WDR72: variants seen among roughly 807,000 people sequenced by gnomAD.
WDR72 encodes the protein WD repeat domain 72.
Under a neutral mutation model 124.2 loss-of-function variants are expected in WDR72, and 120 were observed. The ratio of observed to expected loss-of-function variants is 0.97; its 90% CI spans 0.83 to 1.12. WDR72 has a LOEUF of 1.12. Among genes scored for constraint, WDR72 ranks in the 50% most tolerant of loss-of-function variants. WDR72 has a pLI of 0.00. For synonymous variants in WDR72, 452 were observed against 441.7 expected, an observed-to-expected ratio of 1.02 and a Z score of -0.29; for missense variants, 1,387 against 1,278.8, an observed-to-expected ratio of 1.08 and a Z score of -1.29.
intron 14 of WDR72, among the ~76,000 whole-genome samples, chr15:53,642,259 C>A (rs967673657): frequency 2.0e-5 from 3 of 151,816 alleles, no homozygotes. Context: ...AAATTGCTTC[C>A]CCATCAAAGA....
chr15:53,701,997 C>A lies in WDR72; in HGVS notation c.1569+137G>T, dbSNP rs998668719. Reference sequence around the variant, plus strand: ...TTAGAAATAAATATATATGAATCATCCAGTTGTATTATAAGTACATAGAAC... The same window carrying A: ...TTAGAAATAAATATATATGAATCATACAGTTGTATTATAAGTACATAGAAC... On this transcript the variant is annotated intron_variant, in intron 12 of 19. Transcript: ENST00000360509. The A allele has an allele frequency of 1.4e-5, 8 of 555,634 alleles. No individual in the cohort carries two copies. The African/African-American group carries it at 1.5e-4, about 11-fold the overall frequency. The allele number at this position is 555,634 out of a possible 1,614,324, so 34.4% of individuals were successfully genotyped here. A position where few individuals can be genotyped will look rare whatever the true frequency, so the allele number is the denominator to read the frequency against.
At chr15:53,663,115 T>A (rs1039042516) in intron 14 of WDR72, among the ~76,000 whole-genome samples, 2 of 150,984 alleles carry the variant, frequency 1.3e-5, no homozygotes, top group African/African-American at 2.4e-5. Context: ...AATAAATAAA[T>A]AAAACAATCT....
intron 18 of WDR72, among the ~76,000 whole-genome samples, chr15:53,569,715 G>C (rs1380398691): frequency 6.6e-6 from 1 of 152,058 alleles, no homozygotes; most frequent in Non-Finnish European, 1.5e-5. Context: ...TCTTCTCAGA[G>C]TACTGAGGTT....
At position 53,517,753 on chromosome 15, in the gene WDR72, A is replaced by G. The variant is rs752268853; in HGVS notation, c.3255T>C (p.Gly1085=). 1.1e-5 allele frequency: 17 copies of G among 1,612,752 alleles called. 1 individual carries two copies. The highest frequency in any genetic ancestry group is 1.4e-5 in the Non-Finnish European group (17 of 1,179,170). The change falls in exon 20 of 20, where the codon GGT becomes GGC. Residue 1085 remains glycine (G), a splice_region_variant and synonymous_variant. Transcript: ENST00000360509. The stretch of plus-strand genomic sequence containing the variant: ...CTATCCATGAATGATGCCTTGGCTC[A>G]CCTAGGAAAAAAGCAGATATCTTGG... ...RCALEESESP[G]EPRHHSWIAK... is the part of the protein sequence containing the mutation.
At chr15:53,578,718 T>A (rs2011752387) in intron 18 of WDR72, among the ~76,000 whole-genome samples, 1 of 151,606 alleles carries the variant, frequency 6.6e-6, no homozygotes, top group Non-Finnish European at 1.5e-5. Context: ...AAGCCATATG[T>A]GCTTAAATAA....
intron 13 of WDR72, among the ~76,000 whole-genome samples, chr15:53,675,035 C>A (rs1199059355): frequency 6.6e-6 from 1 of 152,142 alleles, no homozygotes; most frequent in East Asian, 1.9e-4. Context: ...ACATTTTAAA[C>A]TAGGGTTTTC....
chr15:53,628,156 A>G (rs1362043082), intron 14 of WDR72, among the ~76,000 whole-genome samples: 1 of 152,204 alleles, frequency 6.6e-6, no homozygotes, highest in African/African-American at 2.4e-5. Flanking sequence ...AGTTCCTAAG[A>G]AAACAAAGTT....
intron 14 of WDR72, among the ~76,000 whole-genome samples, chr15:53,626,549 A>G (rs1298240248): frequency 6.6e-6 from 1 of 152,196 alleles, no homozygotes; most frequent in Non-Finnish European, 1.5e-5. Context: ...GCAAGATTTA[A>G]CAGAGTGAAA....
At chr15:53,743,567 G>A (rs1182229361) in intron 1 of WDR72, among the ~76,000 whole-genome samples, 2 of 152,136 alleles carry the variant, frequency 1.3e-5, no homozygotes, top group Admixed American at 6.5e-5. Context: ...AATATAGGAA[G>A]TTCATGAATA....
chr15:53,521,206 G>GTGTT (rs927482208), intron 19 of WDR72, among the ~76,000 whole-genome samples: 25 of 152,210 alleles, frequency 1.6e-4, no homozygotes, highest in Non-Finnish European at 3.2e-4. Flanking sequence ...TTTTAGCTAA[G>GTGTT]TGTTTGCTAT....
chr15:53,695,532 A>T (rs1469502656), intron 13 of WDR72, among the ~76,000 whole-genome samples: 1 of 152,194 alleles, frequency 6.6e-6, no homozygotes, highest in Non-Finnish European at 1.5e-5. Flanking sequence ...TCCTTTCCTA[A>T]TCAGGCCTAA....
chr15:53,542,976 G>A (rs532597913), intron 18 of WDR72, among the ~76,000 whole-genome samples: 2 of 152,144 alleles, frequency 1.3e-5, no homozygotes, highest in Admixed American at 1.3e-4. Context: ...CAACACAGGA[G>A]CACCCAGATT....
intron 3 of WDR72, among the ~76,000 whole-genome samples, chr15:53,717,249 T>C (rs2017740147): frequency 6.6e-6 from 1 of 152,190 alleles, no homozygotes; most frequent in Non-Finnish European, 1.5e-5. Flanking sequence ...TTCGTTTATG[T>C]ATTACAAAGA....
chr15:53,523,158 G>T, intron 19 of WDR72, 60 bp downstream of exon 19: 1 of 1,517,612 alleles, frequency 6.6e-7, no homozygotes, highest in South Asian at 1.1e-5. Context: ...CCCTTCCAAG[G>T]ACCCCAAAGC....
intron 3 of WDR72, among the ~76,000 whole-genome samples, chr15:53,720,479 T>A (rs778440751): frequency 3.3e-5 from 5 of 152,230 alleles, no homozygotes; most frequent in Non-Finnish European, 7.3e-5. Flanking sequence ...CTAAAGAATA[T>A]CATTTAGAAA....
chr15:53,622,411 A>T (rs2014031231), intron 14 of WDR72, among the ~76,000 whole-genome samples: 1 of 152,128 alleles, frequency 6.6e-6, no homozygotes, highest in Non-Finnish European at 1.5e-5. Flanking sequence ...ATAAGGAGAA[A>T]GTGGTACATA....
intron 18 of WDR72, among the ~76,000 whole-genome samples, chr15:53,547,256 C>G (rs1251596029): frequency 1.3e-5 from 2 of 152,196 alleles, no homozygotes; most frequent in Non-Finnish European, 2.9e-5. Context: ...CCTCAGCCTC[C>G]CGAGTTGCCG....
At chr15:53,708,236 G>A (rs2017439067) in intron 9 of WDR72, among the ~76,000 whole-genome samples, 1 of 152,144 alleles carries the variant, frequency 6.6e-6, no homozygotes, top group African/African-American at 2.4e-5. Flanking sequence ...CATTAGCACT[G>A]AAATCCCTGG....
At chr15:53,669,977 T>C (rs2015930488) in intron 13 of WDR72, among the ~76,000 whole-genome samples, 1 of 152,208 alleles carries the variant, frequency 6.6e-6, no homozygotes, top group South Asian at 2.1e-4. Context: ...TTCATATTTA[T>C]TATTCATTTG....
Sources: gnomAD v4.1 joint callset for allele counts (sites outside exome capture counted in the v4.1 genomes callset) on GRCh38, gnomAD v4.1.1 for gene constraint, MANE v1.5 for transcripts, NCBI Gene and HGNC (gene_info 2026-07-23, HGNC 2026-07-21) for gene names.